Variants in ZFHX3 observed in about 807,000 individuals in gnomAD.
ZFHX3 encodes zinc finger homeobox protein 3.
ZFHX3 carries 42 observed loss-of-function variants against 279.1 expected under a neutral mutation model. That is an observed-to-expected ratio of 0.15 (90% confidence interval 0.12 to 0.19). The LOEUF (loss-of-function observed/expected upper bound fraction) is 0.19. Among genes scored for constraint, ZFHX3 ranks in the 10% least tolerant of loss-of-function variants. ZFHX3 has a pLI of 1.00. For missense variants in ZFHX3, 4,981 were observed against 4,754.0 expected (o/e 1.05, Z -1.40); for synonymous variants, 2,293 against 1,957.8 (o/e 1.17, Z -4.52).
intron 3 of ZFHX3, among the ~76,000 whole-genome samples, chr16:73,434,823 T>A (rs1274636606): frequency 6.6e-6 from 1 of 152,078 alleles, no homozygotes; most frequent in African/African-American, 2.4e-5. Flanking sequence ...AGGTACCCAC[T>A]CAAACTGGGA....
At chr16:73,701,771 A>T (rs1262762995) in intron 1 of ZFHX3, among the ~76,000 whole-genome samples, 1 of 152,158 alleles carries the variant, frequency 6.6e-6, no homozygotes, top group Non-Finnish European at 1.5e-5. Context: ...ATATGGAGAG[A>T]TCTAATCCTG....
At chr16:73,463,587 C>T (rs1026214832) in intron 2 of ZFHX3, among the ~76,000 whole-genome samples, 2 of 152,166 alleles carry the variant, frequency 1.3e-5, no homozygotes, top group Non-Finnish European at 2.9e-5. Context: ...CTTCTTTTCT[C>T]TGCTCATTGA....
At chr16:73,638,947 C>G (rs2052550933) in intron 2 of ZFHX3, among the ~76,000 whole-genome samples, 1 of 151,906 alleles carries the variant, frequency 6.6e-6, no homozygotes, top group Non-Finnish European at 1.5e-5. Context: ...TTCATTGAGA[C>G]CTACTGAAAA....
intron 2 of ZFHX3, among the ~76,000 whole-genome samples, chr16:73,577,957 C>A (rs2051818123): frequency 2.0e-5 from 3 of 152,198 alleles, no homozygotes; most frequent in African/African-American, 7.2e-5. Context: ...AACATGCAGA[C>A]TCTAAAACTT....
chr16:73,730,352 CAAAAAAAAAAA>C (rs66477968), intron 1 of ZFHX3, among the ~76,000 whole-genome samples: 2 of 81,166 alleles, frequency 2.5e-5, no homozygotes. Context: ...CCTCCCCTCG[CAAAAAAAAAAA>C]AAAAAAAAAA....
chr16:73,097,184 G>A (rs911610481), intron 7 of ZFHX3, among the ~76,000 whole-genome samples: 3 of 151,430 alleles, frequency 2.0e-5, no homozygotes, highest in African/African-American at 7.3e-5. Context: ...CTCCCAAGTA[G>A]CTGGGACTAG....
intron 4 of ZFHX3, among the ~76,000 whole-genome samples, chr16:72,840,972 T>C (rs2037330848): frequency 6.6e-6 from 1 of 152,188 alleles, no homozygotes; most frequent in Admixed American, 6.5e-5. Flanking sequence ...TGCTCTCCCT[T>C]GGCCAGACCC....
At chr16:73,414,168 T>C (rs1274383792) in intron 3 of ZFHX3, among the ~76,000 whole-genome samples, 1 of 152,268 alleles carries the variant, frequency 6.6e-6, no homozygotes, top group Non-Finnish European at 1.5e-5. Context: ...ACTTAAGGCA[T>C]AGACCTTCAA....
At chr16:73,658,868 T>C (rs1438258567) in intron 2 of ZFHX3, among the ~76,000 whole-genome samples, 1 of 152,182 alleles carries the variant, frequency 6.6e-6, no homozygotes, top group Non-Finnish European at 1.5e-5. Flanking sequence ...TTTCCAATTT[T>C]GGTATTACCA....
At chr16:73,773,666 C>T (rs2054045561) in intron 1 of ZFHX3, among the ~76,000 whole-genome samples, 1 of 152,174 alleles carries the variant, frequency 6.6e-6, no homozygotes, top group Admixed American at 6.5e-5. Context: ...AGCATTTGGG[C>T]ACAGTGCAGA....
chr16:73,129,729 T>A (rs1001298720), intron 7 of ZFHX3, among the ~76,000 whole-genome samples: 10 of 151,922 alleles, frequency 6.6e-5, no homozygotes, highest in Admixed American at 6.6e-4. Flanking sequence ...TGTGTGTGTG[T>A]GTGTGTGTGT....
chr16:73,622,779 G>T (rs1597032988), intron 2 of ZFHX3, among the ~76,000 whole-genome samples: 1 of 152,094 alleles, frequency 6.6e-6, no homozygotes, highest in Non-Finnish European at 1.5e-5. Context: ...CTGCAAGAGG[G>T]ACCCTGAAGT....
At chr16:73,258,738 A>G (rs1046329648) in intron 4 of ZFHX3, among the ~76,000 whole-genome samples, 6 of 152,134 alleles carry the variant, frequency 3.9e-5, no homozygotes, top group Non-Finnish European at 8.8e-5. Flanking sequence ...CACTGCTAAT[A>G]TTTTCTCCCT....
In ZFHX3 at chr16:73,415,151, C is replaced by T. The variant is rs542220878; in HGVS notation, c.-1291+40852G>A. 5.3e-5 allele frequency among the ~76,000 whole-genome samples: 8 copies of T among 151,974 alleles called. No homozygotes were observed. The South Asian group carries it at 6.3e-4, about 12-fold the overall frequency. ...TATTTTATTTTTTTAAAATAATGACCGATGTTCTAAAATCAGCTAGCAAGA... is the reference window on the plus strand; with the variant it reads ...TATTTTATTTTTTTAAAATAATGACTGATGTTCTAAAATCAGCTAGCAAGA... On this transcript the variant is annotated intron_variant, in intron 3 of 17. Coordinates refer to the ZFHX3 transcript ENST00000641206.
At chr16:73,278,498 C>T (rs1428793782) in intron 4 of ZFHX3, among the ~76,000 whole-genome samples, 1 of 152,162 alleles carries the variant, frequency 6.6e-6, no homozygotes. Flanking sequence ...ATGGCACAGA[C>T]CCAAAGAGTG....
intron 1 of ZFHX3, chr16:73,058,498 G>GA (rs998912286): frequency 2.7e-3 from 366 of 135,304 alleles, no homozygotes; most frequent in Middle Eastern, 8.4e-3. Flanking sequence ...GCGGCGGCGG[G>GA]AAAAAAAAAA....
rs868659443 is a variant in ZFHX3 at position 73,307,568 on chromosome 16, G to C, written c.-1194+10672C>G. On this transcript the variant is annotated intron_variant, in intron 4 of 17. Coordinates refer to the ZFHX3 transcript ENST00000641206. ...TCAAGGTTAACTTCATTTTGTTCTG[G>C]TGTACACAGGTAGGTACCACAGCTG... Among the ~76,000 whole-genome samples the C allele has an allele frequency of 2.0e-5, 3 of 152,148 alleles. No homozygotes were observed. In the South Asian group the frequency reaches 6.2e-4, roughly 32 times the overall value.
chr16:73,305,580 T>C (rs200255351), intron 4 of ZFHX3, among the ~76,000 whole-genome samples: 101 of 151,908 alleles, frequency 6.6e-4, no homozygotes, highest in Middle Eastern at 3.4e-3. Context: ...AGCGCTCACA[T>C]GGCCGTGTGC....
At chr16:73,217,401 C>G (rs923100201) in intron 5 of ZFHX3, among the ~76,000 whole-genome samples, 1 of 152,126 alleles carries the variant, frequency 6.6e-6, no homozygotes, top group African/African-American at 2.4e-5. Flanking sequence ...AAATCTGAGT[C>G]AAATAAGGAA....
Sources: allele counts gnomAD v4.1 joint callset (sites outside exome capture counted in the v4.1 genomes callset), GRCh38; gene constraint gnomAD v4.1.1; transcripts MANE v1.5; gene names NCBI Gene and HGNC (gene_info 2026-07-23, HGNC 2026-07-21).